Variants in AKR1C2 observed in about 807,000 individuals in gnomAD.
AKR1C2 encodes aldo-keto reductase family 1 member C2.
In AKR1C2, 27 loss-of-function variants were observed where a neutral mutation model predicts 39.8. That is an observed-to-expected ratio of 0.68 (90% CI 0.50 to 0.93). The LOEUF is 0.93. Ranked by LOEUF, AKR1C2 falls within the 40% of genes least tolerant of loss-of-function variation. The pLI is 0.00. For missense variants in AKR1C2, 263 were observed against 365.1 expected (o/e 0.72, Z 2.28); for synonymous variants, 114 against 137.9 (o/e 0.83, Z 1.22).
At chr10:4,991,172 T>C (rs1397194754) in intron 8 of AKR1C2, among the ~76,000 whole-genome samples, 1 of 151,344 alleles carries the variant, frequency 6.6e-6, no homozygotes, top group Non-Finnish European at 1.5e-5. Flanking sequence ...GCATTTGATT[T>C]TAACACTTCC....
At chr10:4,996,956 A>G (rs1203971607) in intron 5 of AKR1C2, among the ~76,000 whole-genome samples, 1 of 152,146 alleles carries the variant, frequency 6.6e-6, no homozygotes, top group Non-Finnish European at 1.5e-5. Flanking sequence ...ACTCAATCAT[A>G]TGTGAAAATT....
chr10:5,012,764 T>G (rs1487334525), intron 1 of AKR1C2, among the ~76,000 whole-genome samples: 1 of 152,210 alleles, frequency 6.6e-6, no homozygotes. Context: ...ACTGCAGAAA[T>G]AAGAAATGAA....
In AKR1C2 at chr10:4,992,322, T is replaced by C. The variant is rs184778702; in HGVS notation, c.847-409A>G. On this transcript the variant is annotated intron_variant, in intron 7 of 8. Transcript: ENST00000380753. ...CTATCTCTCCAATGAACAGGTATAA[T>C]AGGAAAAATCAGTTTTCAACATCAC... Among the ~76,000 whole-genome samples the C allele has an allele frequency of 1.3e-3, 205 of 152,312 alleles. 3 individuals are homozygous for C. Among genetic ancestry groups the C allele is most frequent in the African/African-American group, 4.8e-3 (198 of 41,574 alleles).
intron 5 of AKR1C2, among the ~76,000 whole-genome samples, 179 bp downstream of exon 5, chr10:4,998,446 G>A (rs772364461): frequency 1.3e-5 from 2 of 152,158 alleles, no homozygotes; most frequent in African/African-American, 4.8e-5. Context: ...ACACCTTTTC[G>A]TAAGACTTTT....
At chr10:4,997,565 GC>G (rs1384682163) in intron 5 of AKR1C2, among the ~76,000 whole-genome samples, 1 of 151,858 alleles carries the variant, frequency 6.6e-6, no homozygotes, top group Non-Finnish European at 1.5e-5. Flanking sequence ...ATATAACATT[GC>G]AAAATGTTAG....
At chr10:5,002,669 G>T (rs1395341324) in intron 1 of AKR1C2, among the ~76,000 whole-genome samples, 1 of 152,126 alleles carries the variant, frequency 6.6e-6, no homozygotes, top group African/African-American at 2.4e-5. Flanking sequence ...TCTTTTAAAT[G>T]ACAAAAACAG....
intron 7 of AKR1C2, among the ~76,000 whole-genome samples, chr10:4,992,855 C>G (rs1836887787): frequency 6.6e-6 from 1 of 152,082 alleles, no homozygotes; most frequent in Non-Finnish European, 1.5e-5. Context: ...GAGGCTGAGG[C>G]AGGAGAACTG....
exon 1 of AKR1C2, chr10:5,017,923 A>G (rs1459670889): frequency 7.2e-5 from 11 of 152,508 alleles, no homozygotes; most frequent in Admixed American, 5.2e-4. Context: ...GGTGAAGGGG[A>G]AGTAAGCATG....
chr10:5,000,612 G>A lies in AKR1C2; in HGVS notation c.307C>T (p.Leu103=). ...ELVRPALERS[L]KNLQLDYVDL... ...ACATAGTCCAATTGAAGATTTTTCA[G>A]TGACCTTTCCAAGGCTGGTCGGACC... Residue 103 remains leucine, a synonymous_variant, in exon 3 of 9, where the codon CTG becomes TTG. Coordinates refer to ENST00000380753, the MANE Select transcript of AKR1C2 (RefSeq NM_001393392.1). 1 of 1,614,058 alleles carries A rather than the reference G, an allele frequency of 6.2e-7. No homozygotes were observed. Among genetic ancestry groups the A allele is most frequent in the Non-Finnish European group, 8.5e-7 (1 of 1,179,928 alleles).
At chr10:5,009,747 T>C (rs1475837081) in intron 1 of AKR1C2, among the ~76,000 whole-genome samples, 2 of 152,090 alleles carry the variant, frequency 1.3e-5, no homozygotes, top group Non-Finnish European at 2.9e-5. Context: ...AAAGCCTAAG[T>C]TCCTGGGCAG....
chr10:5,013,033 T>C (rs1837554829), intron 1 of AKR1C2, among the ~76,000 whole-genome samples: 1 of 152,196 alleles, frequency 6.6e-6, no homozygotes, highest in Non-Finnish European at 1.5e-5. Flanking sequence ...GGCTGTTGCC[T>C]CTACCAATTT....
At chr10:4,996,314 A>C (rs1339781726) in intron 5 of AKR1C2, among the ~76,000 whole-genome samples, 2 of 151,732 alleles carry the variant, frequency 1.3e-5, no homozygotes, top group Non-Finnish European at 2.9e-5. Context: ...TATATATCAT[A>C]TATGCCATCT....
chr10:4,996,682 C>G (rs1352562746), intron 5 of AKR1C2, among the ~76,000 whole-genome samples: 1 of 151,702 alleles, frequency 6.6e-6, no homozygotes, highest in Non-Finnish European at 1.5e-5. Context: ...TTTGTCTACT[C>G]TGATGGTGGT....
At chr10:4,990,376 A>T (rs1554772044) in intron 8 of AKR1C2, among the ~76,000 whole-genome samples, 1 of 152,208 alleles carries the variant, frequency 6.6e-6, no homozygotes, top group Non-Finnish European at 1.5e-5. Flanking sequence ...ATTCTCACTA[A>T]AAACAGGAAC....
chr10:4,990,668 T>C (rs1328869469), intron 8 of AKR1C2, among the ~76,000 whole-genome samples: 1 of 152,160 alleles, frequency 6.6e-6, no homozygotes, highest in African/African-American at 2.4e-5. Context: ...TGCTCACATA[T>C]ACAGTTATAA....
chr10:4,997,379 A>G (rs1588301847), intron 5 of AKR1C2: 1 of 152,506 alleles, frequency 6.6e-6, no homozygotes, highest in East Asian at 1.9e-4. Context: ...CCGGATACCA[A>G]ATGACATAAG....
chr10:5,001,545 A>T lies in AKR1C2; in HGVS notation c.221T>A (p.Val74Glu). 6.2e-7 allele frequency: 1 copy of T among 1,613,974 alleles called. No homozygotes were observed. The highest frequency in any genetic ancestry group is 2.2e-5 in the East Asian group (1 of 44,888). Residue 74 changes from valine (V) to glutamate (E), a missense_variant, in exon 2 of 9, where the codon GTG (valine) becomes GAG (glutamate). Around this residue, in one of 3 missense-constraint regions of AKR1C2, gnomAD observed 247 missense variants for 267.9 expected, o/e 0.92. Transcript: ENST00000380753. ...AGTGTAGAATATGTCTTCTCTCTTC[A>T]CACTGCCATCTGCAATCTTGCTTCG... ...AIRSKIADGS[V>E]KREDIFYTSK...
At position 5,001,691 on chromosome 10, in the gene AKR1C2, C is replaced by T. The variant is rs375118885; in HGVS notation, c.85-10G>A. On this transcript the variant is annotated splice_polypyrimidine_tract_variant and intron_variant, in intron 1 of 8. Transcript: ENST00000380753. ...CTTTACTTTTAGGAACCTGGGGGAG[C>T]AACCAAACGTAATATTTTCTGACTA... is the stretch of plus-strand genomic sequence containing the variant. 21 of 1,613,238 alleles carry T rather than the reference C, an allele frequency of 1.3e-5. No individual in the cohort carries two copies. Among genetic ancestry groups the T allele is most frequent in the Non-Finnish European group, 1.7e-5 (20 of 1,179,598 alleles).
At chr10:4,998,169 C>T (rs1363939056) in intron 5 of AKR1C2, among the ~76,000 whole-genome samples, 1 of 150,538 alleles carries the variant, frequency 6.6e-6, no homozygotes, top group African/African-American at 2.4e-5. Context: ...TATCAAGAGA[C>T]ACTGAGACAT....
Sources: gnomAD v4.1 joint callset for allele counts (sites outside exome capture counted in the v4.1 genomes callset) on GRCh38, gnomAD v4.1.1 for gene constraint, gnomAD v4.1.1 regional missense constraint, MANE v1.5 for transcripts, NCBI Gene and HGNC (gene_info 2026-07-23, HGNC 2026-07-21) for gene names.